The following SYT16 variants were observed in gnomAD, a reference collection of about 807,000 sequenced individuals.
SYT16 encodes the protein synaptotagmin-16.
A neutral mutation model predicts 61.4 loss-of-function variants in SYT16; 42 were observed. The ratio of observed to expected loss-of-function variants is 0.68; its 90% CI spans 0.53 to 0.89. SYT16 has a LOEUF of 0.89. Ranked by LOEUF, SYT16 falls within the 40% of genes least tolerant of loss-of-function variation. SYT16 has a pLI of 0.00. For synonymous variants in SYT16, 314 were observed against 302.3 expected, an observed-to-expected ratio of 1.04 and a Z score of -0.40; for missense variants, 804 against 807.3, an observed-to-expected ratio of 1.00 and a Z score of 0.05.
At chr14:62,006,189 T>C (rs1020535418) in intron 3 of SYT16, among the ~76,000 whole-genome samples, 1 of 152,104 alleles carries the variant, frequency 6.6e-6, no homozygotes, top group African/African-American at 2.4e-5. Flanking sequence ...GTTTTTTGTT[T>C]TGTTTTGTTT....
intron 3 of SYT16, among the ~76,000 whole-genome samples, chr14:62,036,813 A>G (rs189012370): frequency 9.9e-5 from 15 of 152,228 alleles, no homozygotes; most frequent in Non-Finnish European, 1.9e-4. Context: ...CATGGGGATT[A>G]TGGGAGCTAC....
chr14:62,070,695 A>G (rs1291027538), intron 4 of SYT16, among the ~76,000 whole-genome samples: 1 of 152,178 alleles, frequency 6.6e-6, no homozygotes, highest in East Asian at 1.9e-4. Context: ...AGACAAAGCC[A>G]TTGTAACAGG....
intron 1 of SYT16, among the ~76,000 whole-genome samples, chr14:61,842,560 T>G (rs1417333468): frequency 6.6e-6 from 1 of 152,182 alleles, no homozygotes; most frequent in Non-Finnish European, 1.5e-5. Context: ...CCACATTTTC[T>G]GTGGCACATA....
chr14:61,916,681 C>A (rs892079197), intron 1 of SYT16, among the ~76,000 whole-genome samples: 4 of 152,066 alleles, frequency 2.6e-5, no homozygotes, highest in Non-Finnish European at 4.4e-5. Context: ...AACAGTGGAA[C>A]CTATTCCTTT....
intron 3 of SYT16, among the ~76,000 whole-genome samples, chr14:62,025,383 AT>A (rs1200491577): frequency 1.3e-5 from 2 of 152,130 alleles, no homozygotes; most frequent in Non-Finnish European, 2.9e-5. Context: ...CTTATTTGCC[AT>A]TGGTATATAT....
At chr14:61,912,606 CTACGAG>C (rs1161129981) in intron 1 of SYT16, among the ~76,000 whole-genome samples, 1 of 152,126 alleles carries the variant, frequency 6.6e-6, no homozygotes, top group African/African-American at 2.4e-5. Context: ...GTTGAGTGCT[CTACGAG>C]GAGTCTATGT....
intron 7 of SYT16, among the ~76,000 whole-genome samples, chr14:62,085,596 TCTCA>T (rs758655702): frequency 6.6e-6 from 1 of 152,212 alleles, no homozygotes; most frequent in East Asian, 1.9e-4. Flanking sequence ...GAATCTGGGC[TCTCA>T]CTCTTTTTTT....
intron 7 of SYT16, among the ~76,000 whole-genome samples, chr14:62,098,309 A>G (rs577623018): frequency 6.6e-6 from 1 of 152,354 alleles, no homozygotes; most frequent in African/African-American, 2.4e-5. Flanking sequence ...GAATTTGGGA[A>G]ACACCCTAAC....
chr14:61,954,871 T>A (rs1225970186), intron 1 of SYT16, among the ~76,000 whole-genome samples: 1 of 152,136 alleles, frequency 6.6e-6, no homozygotes, highest in African/African-American at 2.4e-5. Context: ...AAATGTTGAA[T>A]AATAAAATTG....
At chr14:61,881,777 G>A (rs567523125) in intron 1 of SYT16, among the ~76,000 whole-genome samples, 2 of 152,028 alleles carry the variant, frequency 1.3e-5, no homozygotes, top group East Asian at 1.9e-4. Context: ...AATGTCTTAC[G>A]GGTACCTCAA....
intron 3 of SYT16, among the ~76,000 whole-genome samples, chr14:62,005,161 A>T (rs1344404283): frequency 6.6e-6 from 1 of 152,178 alleles, no homozygotes; most frequent in Non-Finnish European, 1.5e-5. Context: ...TGGCCTTGTC[A>T]TGGGTGAAGA....
chr14:62,005,049 T>C (rs1689582725), intron 3 of SYT16, among the ~76,000 whole-genome samples: 1 of 152,156 alleles, frequency 6.6e-6, no homozygotes. Flanking sequence ...GCATCAGGGA[T>C]AGAAGTTCCA....
At chr14:61,917,950 C>T (rs1020162897) in intron 1 of SYT16, among the ~76,000 whole-genome samples, 9 of 152,188 alleles carry the variant, frequency 5.9e-5, no homozygotes, top group Non-Finnish European at 1.0e-4. Context: ...TAAATGCTTT[C>T]GTGCATGAAA....
chr14:62,091,277 A>G (rs1188308816), intron 7 of SYT16, among the ~76,000 whole-genome samples: 1 of 152,208 alleles, frequency 6.6e-6, no homozygotes, highest in African/African-American at 2.4e-5. Flanking sequence ...AAGGAAAAAT[A>G]AAGATATTTT....
At chr14:62,046,120 C>T (rs1364642339) in intron 3 of SYT16, among the ~76,000 whole-genome samples, 3 of 151,986 alleles carry the variant, frequency 2.0e-5, no homozygotes, top group African/African-American at 7.3e-5. Flanking sequence ...CCTGTTGTTT[C>T]CTGACTTTTT....
intron 3 of SYT16, among the ~76,000 whole-genome samples, chr14:62,021,058 A>G (rs1390999120): frequency 6.6e-6 from 1 of 152,098 alleles, no homozygotes; most frequent in Non-Finnish European, 1.5e-5. Context: ...TCCTCTCCTA[A>G]GAACTCATCT....
chr14:61,927,696 G>A (rs751562879), intron 1 of SYT16, among the ~76,000 whole-genome samples: 1 of 152,170 alleles, frequency 6.6e-6, no homozygotes, highest in African/African-American at 2.4e-5. Context: ...CATTCCTTTG[G>A]TGAGTCTCAC....
intron 1 of SYT16, among the ~76,000 whole-genome samples, chr14:61,950,868 C>T (rs1473354791): frequency 6.6e-6 from 1 of 152,168 alleles, no homozygotes; most frequent in Non-Finnish European, 1.5e-5. Flanking sequence ...AGAATCCCAT[C>T]TGTTTTGGAA....
At chr14:61,865,164 T>C (rs1186305985) in intron 1 of SYT16, 3 of 1,223,732 alleles carry the variant, frequency 2.5e-6, no homozygotes, top group Non-Finnish European at 3.6e-6. Flanking sequence ...CTGCAGTTAC[T>C]GGGCCCAGAG....
Sources: allele counts gnomAD v4.1 joint callset (sites outside exome capture counted in the v4.1 genomes callset), GRCh38; gene constraint gnomAD v4.1.1; transcripts MANE v1.5; gene names NCBI Gene and HGNC (gene_info 2026-07-23, HGNC 2026-07-21).